Variants in SLC25A13 observed in about 807,000 individuals in gnomAD.
SLC25A13 encodes solute carrier family 25 member 13, also known as electrogenic aspartate/glutamate antiporter SLC25A13, mitochondrial.
In SLC25A13, 70 loss-of-function variants were observed where a neutral mutation model predicts 85.5. That is an observed-to-expected ratio of 0.82 (90% CI 0.68 to 1.00). The LOEUF (loss-of-function observed/expected upper bound fraction) is 1.00, where lower values mean the gene tolerates loss of function less well. Ranked by LOEUF, SLC25A13 falls within the 50% of genes least tolerant of loss-of-function variation. The probability of loss-of-function intolerance (pLI) is 0.00; values close to 1 mark genes in which losing one functional copy is unlikely to be tolerated. For synonymous variants in SLC25A13, 259 were observed against 288.7 expected (o/e 0.90, Z 1.04); for missense variants, 765 against 819.8 (o/e 0.93, Z 0.82).
intron 5 of SLC25A13, among the ~76,000 whole-genome samples, chr7:96,208,227 A>C (rs1482632828): frequency 6.6e-6 from 1 of 152,182 alleles, no homozygotes; most frequent in East Asian, 1.9e-4. Flanking sequence ...TCCTGATCTA[A>C]GTGACCTTGA....
intron 2 of SLC25A13, among the ~76,000 whole-genome samples, chr7:96,290,445 T>C (rs1190445899): frequency 6.6e-6 from 1 of 152,052 alleles, no homozygotes; most frequent in Admixed American, 6.6e-5. Context: ...TAAATGTAAA[T>C]GGGCTAAATG....
intron 11 of SLC25A13, among the ~76,000 whole-genome samples, chr7:96,174,342 C>A (rs952876567): frequency 6.6e-6 from 1 of 152,172 alleles, no homozygotes; most frequent in Admixed American, 6.5e-5. Context: ...ACCATTTGGG[C>A]AAAGCAAGCA....
intron 3 of SLC25A13, among the ~76,000 whole-genome samples, chr7:96,250,425 C>G (rs776336543): frequency 2.0e-5 from 3 of 152,312 alleles, no homozygotes; most frequent in East Asian, 1.9e-4. Context: ...TTACTTAACT[C>G]TACGGCAGAA....
chr7:96,128,573 G>A (rs1205107648), intron 15 of SLC25A13, among the ~76,000 whole-genome samples: 5 of 151,942 alleles, frequency 3.3e-5, no homozygotes, highest in East Asian at 1.9e-4. Flanking sequence ...TACCAGAAAC[G>A]GGGGATCAGG....
At chr7:96,211,095 T>C (rs1795675250) in intron 4 of SLC25A13, among the ~76,000 whole-genome samples, 1 of 152,198 alleles carries the variant, frequency 6.6e-6, no homozygotes, top group East Asian at 1.9e-4. Flanking sequence ...TAAATATACA[T>C]GAAAGTAGGT....
chr7:96,316,115 C>A (rs567440476), intron 1 of SLC25A13, among the ~76,000 whole-genome samples: 1 of 152,006 alleles, frequency 6.6e-6, no homozygotes, highest in Non-Finnish European at 1.5e-5. Context: ...GAGAGTGAGA[C>A]CCTGTCCCAA....
intron 3 of SLC25A13, among the ~76,000 whole-genome samples, chr7:96,253,661 G>C (rs528373732): frequency 1.3e-5 from 2 of 152,176 alleles, no homozygotes; most frequent in Non-Finnish European, 2.9e-5. Flanking sequence ...CTGTATGAGT[G>C]GACAGGGAAG....
chr7:96,313,157 C>G (rs1800006039), intron 1 of SLC25A13, among the ~76,000 whole-genome samples: 1 of 152,170 alleles, frequency 6.6e-6, no homozygotes, highest in African/African-American at 2.4e-5. Flanking sequence ...AAGTGCAGGG[C>G]TAGAGCTTGA....
At chr7:96,207,855 A>T (rs1193125442) in intron 5 of SLC25A13, among the ~76,000 whole-genome samples, 1 of 152,074 alleles carries the variant, frequency 6.6e-6, no homozygotes, top group Non-Finnish European at 1.5e-5. Context: ...GCACCCCAGA[A>T]ATGTAGACAA....
chr7:96,150,330 T>C (rs1159527339), intron 13 of SLC25A13, among the ~76,000 whole-genome samples: 1 of 152,096 alleles, frequency 6.6e-6, no homozygotes, highest in East Asian at 1.9e-4. Context: ...GTAGTAAGGG[T>C]AGAAGTCATG....
rs187260240 is a variant in SLC25A13 at position 96,121,877 on chromosome 7, C to A, written c.1712G>T (p.Arg571Leu). 1 of 1,614,174 alleles carries A rather than the reference C, an allele frequency of 6.2e-7. No homozygotes were observed. Among genetic ancestry groups the A allele is most frequent in the South Asian group, 1.1e-5 (1 of 91,082 alleles). The change falls in exon 16 of 18, where the codon CGT becomes CTT. Residue 571 changes from arginine to leucine, a missense_variant. Coordinates refer to ENST00000265631, the MANE Select transcript of SLC25A13 (RefSeq NM_014251.3). ...CCACAGAGCTTTTGGTCCTTCTTCACGCAGTATCTTTCTAAAGCAGTCTAT... is the reference window on the plus strand; with the variant it reads ...CCACAGAGCTTTTGGTCCTTCTTCAAGCAGTATCTTTCTAAAGCAGTCTAT... ...GVIDCFRKILREEGPKALWKG... is the reference protein window; with the variant it reads ...GVIDCFRKILLEEGPKALWKG...
intron 3 of SLC25A13, among the ~76,000 whole-genome samples, chr7:96,236,539 A>G (rs1796751579): frequency 6.6e-6 from 1 of 152,234 alleles, no homozygotes; most frequent in South Asian, 2.1e-4. Context: ...GCGGCATGGT[A>G]TTTGAAGAAC....
chr7:96,294,616 A>AG (rs1799278270), intron 2 of SLC25A13, among the ~76,000 whole-genome samples: 1 of 151,036 alleles, frequency 6.6e-6, no homozygotes, highest in Non-Finnish European at 1.5e-5. Flanking sequence ...CTCAGAAAAA[A>AG]AAAAAAAGAA....
chr7:96,241,969 A>G (rs1042657408), intron 3 of SLC25A13, among the ~76,000 whole-genome samples: 16 of 152,186 alleles, frequency 1.1e-4, no homozygotes, highest in African/African-American at 3.9e-4. Context: ...TCTCCAGGCC[A>G]ACTCTGTGGC....
intron 2 of SLC25A13, among the ~76,000 whole-genome samples, chr7:96,295,361 A>G (rs1799306717): frequency 6.6e-6 from 1 of 152,212 alleles, no homozygotes. Flanking sequence ...GAAAACAAGA[A>G]AAGAAAAGAA....
chr7:96,121,620 C>A (rs777021067), intron 17 of SLC25A13, 35 bp downstream of exon 17: 1 of 1,606,420 alleles, frequency 6.2e-7, no homozygotes, highest in African/African-American at 1.3e-5. Context: ...TTAGCAGCAG[C>A]CAAAATTTAG....
chr7:96,157,823 C>T lies in SLC25A13; in HGVS notation c.1312-11127G>A, dbSNP rs148013760. ...CTTGGAAAACAAACAAACAAACAAA[C>T]AAACAAACAGAATTTTAAGAAATCA... is the stretch of plus-strand genomic sequence containing the variant. On this transcript the variant is annotated intron_variant, in intron 13 of 17. Transcript: ENST00000265631. 9.1e-3 allele frequency among the ~76,000 whole-genome samples: 1,384 copies of T among 152,066 alleles called. 23 individuals are homozygous for T. The highest frequency in any genetic ancestry group is 0.032 in the African/African-American group (1,324 of 41,466).
intron 3 of SLC25A13, among the ~76,000 whole-genome samples, chr7:96,250,252 G>A (rs982843751): frequency 3.5e-4 from 54 of 152,252 alleles, no homozygotes; most frequent in Non-Finnish European, 1.5e-4. Context: ...GAGAAGGTGG[G>A]TTTCAATATG....
chr7:96,152,177 G>A (rs1260990929), intron 13 of SLC25A13, among the ~76,000 whole-genome samples: 1 of 152,132 alleles, frequency 6.6e-6, no homozygotes, highest in Non-Finnish European at 1.5e-5. Flanking sequence ...AAATAAGATT[G>A]CTGGAGCCAA....
Sources: allele counts gnomAD v4.1 joint callset (sites outside exome capture counted in the v4.1 genomes callset), GRCh38; gene constraint gnomAD v4.1.1; transcripts MANE v1.5; gene names NCBI Gene and HGNC (gene_info 2026-07-23, HGNC 2026-07-21).